The following C8orf34 variants were observed in gnomAD, a reference collection of about 807,000 sequenced individuals.
C8orf34 encodes the protein uncharacterized protein C8orf34.
Under a neutral mutation model 68.3 loss-of-function variants are expected in C8orf34, and 65 were observed. The ratio of observed to expected loss-of-function variants is 0.95; its 90% CI spans 0.78 to 1.17. The LOEUF is 1.17. Ranked by LOEUF, C8orf34 falls within the 50% of genes most tolerant of loss-of-function variation. The probability of loss-of-function intolerance (pLI) is 0.00; values close to 1 mark genes in which losing one functional copy is unlikely to be tolerated. For synonymous variants in C8orf34, 244 were observed against 241.2 expected, an observed-to-expected ratio of 1.01 and a Z score of -0.11; for missense variants, 664 against 655.4, an observed-to-expected ratio of 1.01 and a Z score of -0.14.
chr8:68,794,873 C>A (rs929387112), intron 12 of C8orf34, among the ~76,000 whole-genome samples: 1 of 151,938 alleles, frequency 6.6e-6, no homozygotes, highest in Non-Finnish European at 1.5e-5. Flanking sequence ...TTCCTTTGTA[C>A]GTCATGTCAA....
intron 10 of C8orf34, among the ~76,000 whole-genome samples, chr8:68,771,425 A>G (rs569091503): frequency 1.8e-4 from 27 of 152,316 alleles, no homozygotes; most frequent in African/African-American, 5.8e-4. Flanking sequence ...ACAGGAAATT[A>G]TAGTATGAAA....
rs1815683152 is a variant in C8orf34 at position 68,541,067 on chromosome 8, C to A, written c.1105+7918C>A. 2.0e-5 allele frequency among the ~76,000 whole-genome samples: 3 copies of A among 152,174 alleles called. No individual in the cohort carries two copies. In the South Asian group the frequency reaches 6.2e-4, roughly 32 times the overall value. On this transcript the variant is annotated intron_variant, in intron 7 of 13. Transcript: ENST00000518698. ...TAACTTTTTTCCTTCAAGTATCAGTCCATTATCAGAAAAATGGAATTAATA... is the reference window on the plus strand; with the variant it reads ...TAACTTTTTTCCTTCAAGTATCAGTACATTATCAGAAAAATGGAATTAATA...
At chr8:68,488,397 AT>A (rs59144133) in intron 5 of C8orf34, among the ~76,000 whole-genome samples, 5,420 of 152,198 alleles carry the variant, frequency 0.036, 336 homozygotes, top group African/African-American at 0.12. Context: ...AAAACATTGT[AT>A]TTTTTGATAG....
At chr8:68,691,148 T>C (rs985600903) in intron 8 of C8orf34, among the ~76,000 whole-genome samples, 2 of 152,080 alleles carry the variant, frequency 1.3e-5, no homozygotes, top group African/African-American at 4.8e-5. Flanking sequence ...AGTTCAGGCA[T>C]ACTTTGTTTT....
chr8:68,588,321 AATAGTATAAAGCAG>A lies in C8orf34; in HGVS notation c.1106-52041_1106-52028del, dbSNP rs368875843. On this transcript the variant is annotated intron_variant, in intron 7 of 13. Coordinates refer to ENST00000518698, the MANE Select transcript of C8orf34 (RefSeq NM_052958.4). ...GCAGCAAAAATCAGGATAAAAAGCA[AATAGTATAAAGCAG>A]ATAGTATAAAGCATATAGTATATAG... Among the ~76,000 whole-genome samples the A allele has an allele frequency of 4.1e-3, 623 of 152,300 alleles. 5 individuals carry two copies. Among genetic ancestry groups the A allele is most frequent in the African/African-American group, 0.014 (594 of 41,586 alleles).
chr8:68,514,975 G>T (rs532954343), intron 5 of C8orf34, among the ~76,000 whole-genome samples: 1 of 152,086 alleles, frequency 6.6e-6, no homozygotes, highest in Non-Finnish European at 1.5e-5. Flanking sequence ...AGGGGGGAAT[G>T]GAACAGATAT....
intron 8 of C8orf34, among the ~76,000 whole-genome samples, chr8:68,671,510 G>T (rs931539072): frequency 3.3e-5 from 5 of 152,132 alleles, no homozygotes; most frequent in Non-Finnish European, 4.4e-5. Context: ...TGTCTCAATA[G>T]TTCTAATGGA....
intron 7 of C8orf34, among the ~76,000 whole-genome samples, chr8:68,618,789 G>T (rs1275802181): frequency 1.3e-5 from 2 of 152,112 alleles, no homozygotes; most frequent in African/African-American, 4.8e-5. Context: ...GATCTAGAGG[G>T]GAGCAGACAA....
chr8:68,653,736 T>C (rs1056731382), intron 8 of C8orf34, among the ~76,000 whole-genome samples: 13 of 152,158 alleles, frequency 8.5e-5, no homozygotes, highest in Non-Finnish European at 1.8e-4. Flanking sequence ...CCTACATACC[T>C]CCCAAAGGCC....
At chr8:68,639,643 C>A (rs570565683) in intron 7 of C8orf34, among the ~76,000 whole-genome samples, 1 of 151,888 alleles carries the variant, frequency 6.6e-6, no homozygotes, top group Non-Finnish European at 1.5e-5. Context: ...AATTGGAATC[C>A]TTTTTACAAG....
intron 10 of C8orf34, among the ~76,000 whole-genome samples, chr8:68,760,021 T>C (rs766360008): frequency 5.3e-5 from 8 of 152,194 alleles, no homozygotes; most frequent in Non-Finnish European, 1.2e-4. Context: ...GAAGTATGCA[T>C]GGCATGCCTA....
intron 8 of C8orf34, among the ~76,000 whole-genome samples, chr8:68,679,170 C>T (rs1820287789): frequency 6.6e-6 from 1 of 152,016 alleles, no homozygotes; most frequent in Non-Finnish European, 1.5e-5. Flanking sequence ...ACCTATAGTC[C>T]CAGCTACTGA....
At position 68,439,623 on chromosome 8, in the gene C8orf34, T is replaced by C; in HGVS notation, c.452T>C (p.Leu151Pro). The C allele has an allele frequency of 6.2e-7, 1 of 1,612,370 alleles. No individual in the cohort carries two copies. The highest frequency in any genetic ancestry group is 8.5e-7 in the Non-Finnish European group (1 of 1,179,446). ...LQRTLSGSAA[L>P]WAESEKSESK... ...AGAACTTTGTCTGGATCTGCAGCTC[T>C]ATGGGCAGAAAGTGAAAAATCAGGT... The change falls in exon 2 of 14, where the codon CTA becomes CCA. Residue 151 changes from leucine (L) to proline (P), a missense_variant. Transcript: ENST00000518698.
chr8:68,607,292 C>T (rs1004091821), intron 7 of C8orf34, among the ~76,000 whole-genome samples: 30 of 152,210 alleles, frequency 2.0e-4, no homozygotes, highest in African/African-American at 7.0e-4. Context: ...GCCATAATAA[C>T]GTACTGTAGG....
intron 7 of C8orf34, among the ~76,000 whole-genome samples, chr8:68,633,471 T>A (rs1339935693): frequency 1.3e-5 from 2 of 152,230 alleles, no homozygotes; most frequent in African/African-American, 2.4e-5. Flanking sequence ...GACAGTTCAA[T>A]TTCAAAGCAT....
In C8orf34 at chr8:68,466,765, A is replaced by ATATATATATATATATATATG. The variant is rs1242128072; in HGVS notation, c.608-1927_608-1926insTATATATATATATATATATG. The stretch of plus-strand genomic sequence containing the variant: ...TATATATATATATATATATATATAT[A>ATATATATATATATATATATG]GATGCTTTCATTTCTTTATGATGAC... On this transcript the variant is annotated intron_variant, in intron 3 of 13. Transcript: ENST00000518698. Among the ~76,000 whole-genome samples, 174 of 123,264 alleles carry ATATATATATATATATATATG rather than the reference A, an allele frequency of 1.4e-3. 5 individuals are homozygous for ATATATATATATATATATATG. The highest frequency in any genetic ancestry group is 4.2e-3 in the Middle Eastern group (1 of 240). The allele number at this position is 123,264 out of a possible 152,430, so 80.9% of individuals were successfully genotyped here.
chr8:68,525,443 A>G lies in C8orf34; in HGVS notation c.938+3472A>G, dbSNP rs566308784. The G allele has an allele frequency of 4.9e-5, 24 of 489,060 alleles. No homozygotes were observed. The East Asian group carries it at 6.5e-4, about 13-fold the overall frequency. The allele number at this position is 489,060 out of a possible 1,614,324, so 30.3% of individuals were successfully genotyped here. On this transcript the variant is annotated intron_variant, in intron 6 of 13. Transcript: ENST00000518698. ...TAAATTTCTTAATTTCTTTTTTAGT[A>G]CAAGTTCAATCCAAAACAAATTTCT...
chr8:68,748,759 A>T (rs909781141), intron 10 of C8orf34, among the ~76,000 whole-genome samples: 2 of 152,226 alleles, frequency 1.3e-5, no homozygotes, highest in African/African-American at 4.8e-5. Context: ...GAGAATGTGG[A>T]GAAATAGGAA....
chr8:68,601,721 A>T (rs1195548620), intron 7 of C8orf34, among the ~76,000 whole-genome samples: 1 of 145,070 alleles, frequency 6.9e-6, no homozygotes, highest in African/African-American at 2.5e-5. Context: ...CATCCAATTC[A>T]TCTTGGTATT....
Sources: allele counts gnomAD v4.1 joint callset (sites outside exome capture counted in the v4.1 genomes callset), GRCh38; gene constraint gnomAD v4.1.1; transcripts MANE v1.5; gene names NCBI Gene and HGNC (gene_info 2026-07-23, HGNC 2026-07-21).